Variants in RNF111 observed in about 807,000 individuals in gnomAD.
RNF111 encodes ring finger protein 111, also known as E3 ubiquitin-protein ligase Arkadia.
In RNF111, 17 loss-of-function variants were observed where a neutral mutation model predicts 95.1. The observed-to-expected ratio is 0.18, with a 90% CI of 0.12 to 0.27. RNF111 has a LOEUF of 0.27. Ranked by LOEUF, RNF111 falls within the 10% of genes least tolerant of loss-of-function variation. The pLI is 1.00. For missense variants in RNF111, 1,189 were observed against 1,210.4 expected (o/e 0.98, Z 0.26); for synonymous variants, 440 against 414.8 (o/e 1.06, Z -0.74).
chr15:59,011,005 C>G (rs2039775991), intron 1 of RNF111, among the ~76,000 whole-genome samples: 1 of 152,152 alleles, frequency 6.6e-6, no homozygotes, highest in Admixed American at 6.5e-5. Context: ...GGTCATCGTT[C>G]TAGACAGATA....
At chr15:59,059,181 C>T (rs2042328154) in intron 5 of RNF111, among the ~76,000 whole-genome samples, 1 of 151,922 alleles carries the variant, frequency 6.6e-6, no homozygotes, top group South Asian at 2.1e-4. Context: ...GAAAGACAAC[C>T]CAATTTTAAA....
chr15:59,034,270 C>T (rs768279175), intron 2 of RNF111, among the ~76,000 whole-genome samples: 15 of 152,100 alleles, frequency 9.9e-5, no homozygotes, highest in African/African-American at 2.2e-4. Context: ...ATTGTGCTTG[C>T]GTTTTATACA....
At chr15:59,005,917 T>C (rs2039520375) in intron 1 of RNF111, among the ~76,000 whole-genome samples, 1 of 152,236 alleles carries the variant, frequency 6.6e-6, no homozygotes, top group Non-Finnish European at 1.5e-5. Flanking sequence ...TGATTAATAA[T>C]TTGCTAATGA....
chr15:59,040,715 C>T (rs2041407576), intron 2 of RNF111, among the ~76,000 whole-genome samples: 1 of 152,196 alleles, frequency 6.6e-6, no homozygotes, highest in Non-Finnish European at 1.5e-5. Flanking sequence ...ATTGCTTTTG[C>T]ACTAACCTAA....
At chr15:59,059,853 T>C (rs961330209) in intron 5 of RNF111, among the ~76,000 whole-genome samples, 3 of 152,246 alleles carry the variant, frequency 2.0e-5, no homozygotes, top group Non-Finnish European at 4.4e-5. Context: ...AGCTTGTGGA[T>C]TGACTAAATC....
chr15:59,079,515 C>T (rs1474382323), intron 7 of RNF111, among the ~76,000 whole-genome samples: 1 of 152,210 alleles, frequency 6.6e-6, no homozygotes, highest in Non-Finnish European at 1.5e-5. Flanking sequence ...TGTTACCTAA[C>T]TTCTGCCCTT....
At position 59,064,076 on chromosome 15, in the gene RNF111, C is replaced by T. The variant is rs573234236; in HGVS notation, c.1367-2688C>T. ...TATTATAATTTATAGGAAACAGTTA[C>T]TTAATGTTGGGTTCAGCATAGCCCT... On this transcript the variant is annotated intron_variant, in intron 5 of 13. Coordinates refer to ENST00000348370, the MANE Select transcript of RNF111 (RefSeq NM_017610.8). 9.9e-5 allele frequency among the ~76,000 whole-genome samples: 15 copies of T among 152,222 alleles called. No individual in the cohort carries two copies. In the South Asian group the frequency reaches 2.7e-3, roughly 27 times the overall value.
At chr15:59,077,469 A>C (rs2078599580) in intron 7 of RNF111, among the ~76,000 whole-genome samples, 1 of 152,234 alleles carries the variant, frequency 6.6e-6, no homozygotes, top group African/African-American at 2.4e-5. Flanking sequence ...AACTTTTAGA[A>C]ATTTTCTTTG....
chr15:59,054,921 C>G (rs1035929499), intron 3 of RNF111, among the ~76,000 whole-genome samples: 1 of 152,108 alleles, frequency 6.6e-6, no homozygotes, highest in Non-Finnish European at 1.5e-5. Flanking sequence ...ATTTTTTTAT[C>G]CTGGAGCCTT....
At chr15:59,059,412 ATGCAAAATGG>A (rs2042339996) in intron 5 of RNF111, among the ~76,000 whole-genome samples, 1 of 152,210 alleles carries the variant, frequency 6.6e-6, no homozygotes, top group African/African-American at 2.4e-5. Context: ...GCTGGTAGGA[ATGCAAAATGG>A]TGCAACTGCT....
At chr15:59,001,156 C>T (rs1408179021) in intron 1 of RNF111, among the ~76,000 whole-genome samples, 2 of 152,052 alleles carry the variant, frequency 1.3e-5, no homozygotes, top group Non-Finnish European at 1.5e-5. Context: ...TTCAAGGCAG[C>T]GTGACTAGCC....
chr15:59,055,876 T>A (rs368228550), intron 4 of RNF111, 31 bp downstream of exon 4: 33 of 1,545,790 alleles, frequency 2.1e-5, no homozygotes, highest in Non-Finnish European at 2.8e-5. Flanking sequence ...TAGAAAATTA[T>A]GAAAGGAGTT....
intron 1 of RNF111, among the ~76,000 whole-genome samples, chr15:59,003,324 G>A (rs1246162170): frequency 6.6e-6 from 1 of 151,130 alleles, no homozygotes; most frequent in Non-Finnish European, 1.5e-5. Flanking sequence ...AGGCTGGTCT[G>A]GAACTCCTGA....
At chr15:59,041,992 A>C (rs1430929810) in intron 2 of RNF111, among the ~76,000 whole-genome samples, 1 of 101,354 alleles carries the variant, frequency 9.9e-6, no homozygotes, top group Non-Finnish European at 1.9e-5. Flanking sequence ...CTGTTTTGAT[A>C]TCAGGATACT....
At chr15:59,075,132 G>A (rs58087223) in intron 6 of RNF111, among the ~76,000 whole-genome samples, 39,775 of 152,048 alleles carry the variant, frequency 0.26, 5,325 homozygotes, top group Middle Eastern at 0.43. Flanking sequence ...TGAGAAAAAT[G>A]TAAATATTAA....
At chr15:59,091,465 A>T (rs1266524125) in intron 12 of RNF111, among the ~76,000 whole-genome samples, 1 of 152,146 alleles carries the variant, frequency 6.6e-6, no homozygotes, top group African/African-American at 2.4e-5. Flanking sequence ...ACAAAAGGAG[A>T]TGATTACCAC....
chr15:59,068,361 CT>C (rs1416216646), intron 6 of RNF111, among the ~76,000 whole-genome samples: 1 of 152,256 alleles, frequency 6.6e-6, no homozygotes, highest in Non-Finnish European at 1.5e-5. Flanking sequence ...AATTCCAGCA[CT>C]TTGGGAGGCC....
chr15:59,014,824 C>T (rs1205881420), intron 1 of RNF111, among the ~76,000 whole-genome samples: 6 of 151,670 alleles, frequency 4.0e-5, no homozygotes, highest in East Asian at 3.9e-4. Context: ...GGCACCATCA[C>T]GGCTCACTGC....
At chr15:59,067,684 T>A (rs1240783950) in intron 6 of RNF111, among the ~76,000 whole-genome samples, 1 of 152,230 alleles carries the variant, frequency 6.6e-6, no homozygotes, top group Non-Finnish European at 1.5e-5. Flanking sequence ...AGGCTTTTGA[T>A]GTTTTTAGTT....
Sources: allele counts gnomAD v4.1 joint callset (sites outside exome capture counted in the v4.1 genomes callset), GRCh38; gene constraint gnomAD v4.1.1; transcripts MANE v1.5; gene names NCBI Gene and HGNC (gene_info 2026-07-23, HGNC 2026-07-21).